PSPC1: variants seen among roughly 807,000 people sequenced by gnomAD.
The protein encoded by PSPC1 is paraspeckle component 1.
In PSPC1, 14 loss-of-function variants were observed where a neutral mutation model predicts 51.6. The ratio of observed to expected loss-of-function variants is 0.27; its 90% CI spans 0.18 to 0.42. The LOEUF (loss-of-function observed/expected upper bound fraction) is 0.42. Ranked by LOEUF, PSPC1 falls within the 10% of genes least tolerant of loss-of-function variation. The pLI is 1.00. For missense variants in PSPC1, 406 were observed against 701.1 expected (o/e 0.58, Z 4.75); for synonymous variants, 193 against 231.9 (o/e 0.83, Z 1.53).
chr13:19,678,000 A>G lies in PSPC1; in HGVS notation c.1159-177T>C, dbSNP rs1420278461. 6 of 327,154 alleles carry G rather than the reference A, an allele frequency of 1.8e-5. No individual in the cohort carries two copies. In the East Asian group the frequency reaches 5.2e-4, roughly 28 times the overall value. 20.3% of individuals were successfully genotyped at this position (327,154 alleles called of 1,614,324 possible). A position where few individuals can be genotyped will look rare whatever the true frequency, so the allele number is the denominator to read the frequency against. On this transcript the variant is annotated intron_variant and NMD_transcript_variant, in intron 6 of 7. Coordinates refer to the PSPC1 transcript ENST00000471658. ...AAGGATTTTCTTTTTAATTCAAAAT[A>G]CTCTCCATTTCCTCAAAGAACATCA...
downstream of PSPC1, among the ~76,000 whole-genome samples, chr13:19,700,549 AT>A (rs1362444995): frequency 1.3e-5 from 2 of 152,108 alleles, no homozygotes; most frequent in Non-Finnish European, 2.9e-5. Flanking sequence ...AAGAAAAAAA[AT>A]ATGCATTTAT....
chr13:19,714,888 C>T (rs1021484878), intron 6 of PSPC1, among the ~76,000 whole-genome samples: 27 of 152,164 alleles, frequency 1.8e-4, no homozygotes, highest in Non-Finnish European at 1.3e-4. Flanking sequence ...ACATACTCCT[C>T]CCTTATCACT....
Position 19,705,943 on chromosome 13 carries a change from G to C in PSPC1, c.1217-112C>G, listed in dbSNP as rs11147451. 73 of 890,000 alleles carry C rather than the reference G, an allele frequency of 8.2e-5. No individual in the cohort carries two copies. The East Asian group carries it at 1.0e-3, about 13-fold the overall frequency. 55.1% of individuals were successfully genotyped at this position (890,000 alleles called of 1,614,324 possible). ...CAAGACCATTATCAAAATTATTTTC[G>C]CTCCTTAAGAATGCGATATGCGTTA... On this transcript the variant is annotated intron_variant, in intron 7 of 8. Coordinates refer to ENST00000338910, the MANE Select transcript of PSPC1 (RefSeq NM_001354909.2).
intron 5 of PSPC1, among the ~76,000 whole-genome samples, chr13:19,732,708 C>A (rs1884268270): frequency 6.6e-6 from 1 of 152,104 alleles, no homozygotes. Flanking sequence ...AGGTGAATCA[C>A]CTGAGGTCAG....
At position 19,692,976 on chromosome 13, in the gene PSPC1, A is replaced by G. The variant is rs575487231; in HGVS notation, c.1159-15153T>C. Among the ~76,000 whole-genome samples, 444 of 152,286 alleles carry G rather than the reference A, an allele frequency of 2.9e-3. 1 individual carries two copies. Among genetic ancestry groups the G allele is most frequent in the Non-Finnish European group, 4.4e-3 (301 of 68,026 alleles). On this transcript the variant is annotated intron_variant and NMD_transcript_variant, in intron 6 of 7. Coordinates refer to the PSPC1 transcript ENST00000471658. ...TCTTACATTTAACATAATTATTTTA[A>G]GTTGTAATAATGGGGCTTATCCTTA...
intron 6 of PSPC1, among the ~76,000 whole-genome samples, chr13:19,685,639 GTGCAGC>G (rs1397456489): frequency 4.6e-5 from 7 of 152,204 alleles, no homozygotes; most frequent in African/African-American, 1.7e-4. Flanking sequence ...ATCACCACTA[GTGCAGC>G]AGCAAGAGTA....
chr13:19,739,942 C>T (rs1885263605), intron 5 of PSPC1, among the ~76,000 whole-genome samples: 1 of 151,450 alleles, frequency 6.6e-6, no homozygotes, highest in Admixed American at 6.6e-5. Context: ...GGCTGGGCCT[C>T]ACCACTATTG....
intron 6 of PSPC1, among the ~76,000 whole-genome samples, chr13:19,679,659 G>A (rs766260491): frequency 2.8e-4 from 43 of 152,164 alleles, no homozygotes; most frequent in Non-Finnish European, 4.9e-4. Flanking sequence ...AAGTATACAG[G>A]AGGATGTACA....
chr13:19,684,429 C>T (rs553028621), intron 6 of PSPC1, among the ~76,000 whole-genome samples: 1 of 152,222 alleles, frequency 6.6e-6, no homozygotes, highest in South Asian at 2.1e-4. Flanking sequence ...AGCCAAGAAT[C>T]CCACTGTTAC....
At chr13:19,767,827 C>T (rs1365018141) in intron 2 of PSPC1, among the ~76,000 whole-genome samples, 1 of 151,988 alleles carries the variant, frequency 6.6e-6, no homozygotes, top group African/African-American at 2.4e-5. Context: ...AAAGATCATA[C>T]AAGGACACAA....
chr13:19,679,610 T>C (rs1877053733), intron 6 of PSPC1, among the ~76,000 whole-genome samples: 1 of 152,224 alleles, frequency 6.6e-6, no homozygotes, highest in African/African-American at 2.4e-5. Flanking sequence ...CTCCATAGCA[T>C]TTACACTGTA....
intron 4 of PSPC1, among the ~76,000 whole-genome samples, chr13:19,745,793 G>T (rs1885913499): frequency 6.6e-6 from 1 of 151,802 alleles, no homozygotes; most frequent in African/African-American, 2.4e-5. Context: ...CTAATTTTTC[G>T]TATTTCCAAT....
At chr13:19,750,089 A>G (rs999066855) in intron 4 of PSPC1, among the ~76,000 whole-genome samples, 2 of 152,180 alleles carry the variant, frequency 1.3e-5, no homozygotes, top group Non-Finnish European at 2.9e-5. Context: ...GAATTTACCC[A>G]AAAGGATTTA....
intron 3 of PSPC1, among the ~76,000 whole-genome samples, chr13:19,757,628 A>C (rs552551477): frequency 2.4e-4 from 37 of 152,270 alleles, no homozygotes; most frequent in Non-Finnish European, 5.1e-4. Flanking sequence ...ATGACTTGTA[A>C]CTTTACCTCA....
intron 7 of PSPC1, among the ~76,000 whole-genome samples, chr13:19,677,198 A>C (rs1189342585): frequency 6.7e-6 from 1 of 148,544 alleles, no homozygotes; most frequent in Non-Finnish European, 1.5e-5. Flanking sequence ...GTGCCACTGC[A>C]CTCCAGCCTG....
chr13:19,776,863 T>G (rs1190320984), intron 1 of PSPC1, among the ~76,000 whole-genome samples: 1 of 148,748 alleles, frequency 6.7e-6, no homozygotes, highest in Admixed American at 6.7e-5. Flanking sequence ...TGGTGGCTCA[T>G]GCCTGTAATC....
chr13:19,677,210 G>C (rs1253327131), intron 7 of PSPC1, among the ~76,000 whole-genome samples: 3 of 148,266 alleles, frequency 2.0e-5, no homozygotes, highest in Non-Finnish European at 4.5e-5. Context: ...TCCAGCCTGG[G>C]CGACAGAGCA....
At chr13:19,747,898 T>A (rs1744564220) in intron 4 of PSPC1, among the ~76,000 whole-genome samples, 1 of 152,120 alleles carries the variant, frequency 6.6e-6, no homozygotes, top group African/African-American at 2.4e-5. Flanking sequence ...CCTGAATACA[T>A]CCTTAGAAAT....
intron 6 of PSPC1, among the ~76,000 whole-genome samples, chr13:19,721,776 A>C (rs1211195210): frequency 1.3e-5 from 2 of 152,236 alleles, no homozygotes; most frequent in Non-Finnish European, 2.9e-5. Context: ...TGTAAGTCTA[A>C]TACTCTGAAG....
Sources: gnomAD v4.1 joint callset for allele counts (sites outside exome capture counted in the v4.1 genomes callset) on GRCh38, gnomAD v4.1.1 for gene constraint, MANE v1.5 for transcripts, NCBI Gene and HGNC (gene_info 2026-07-23, HGNC 2026-07-21) for gene names.